STK3: variants seen among roughly 807,000 people sequenced by gnomAD.
STK3 encodes serine/threonine-protein kinase 3.
In STK3, 41 loss-of-function variants were observed where a neutral mutation model predicts 58.0. That is an observed-to-expected ratio of 0.71 (90% CI 0.55 to 0.92). The LOEUF (loss-of-function observed/expected upper bound fraction) is 0.92. Among genes scored for constraint, STK3 ranks in the 40% least tolerant of loss-of-function variants. The probability of loss-of-function intolerance (pLI) is 0.00; values close to 1 mark genes in which losing one functional copy is unlikely to be tolerated. For missense variants in STK3, 479 were observed against 602.7 expected, an observed-to-expected ratio of 0.79 and a Z score of 2.15; for synonymous variants, 170 against 191.0, an observed-to-expected ratio of 0.89 and a Z score of 0.91.
intron 4 of STK3, among the ~76,000 whole-genome samples, chr8:98,714,159 C>G (rs946057024): frequency 2.0e-5 from 3 of 152,100 alleles, no homozygotes; most frequent in African/African-American, 4.8e-5. Context: ...TATGACAAAC[C>G]CACAGCCAGT....
intron 3 of STK3, among the ~76,000 whole-genome samples, chr8:98,751,766 C>A (rs1366260125): frequency 2.0e-5 from 3 of 151,928 alleles, no homozygotes; most frequent in Non-Finnish European, 4.4e-5. Context: ...ACGGTGAAAC[C>A]CCCATCTCTA....
chr8:98,596,285 G>T, intron 6 of STK3, 116 bp from the exon 7 acceptor site: 1 of 1,241,156 alleles, frequency 8.1e-7, no homozygotes, highest in Non-Finnish European at 1.1e-6. Context: ...AATTTAAGCT[G>T]TTCTAGGATT....
chr8:98,618,539 C>G (rs200943708), intron 6 of STK3, among the ~76,000 whole-genome samples: 3 of 150,160 alleles, frequency 2.0e-5, no homozygotes, highest in Non-Finnish European at 4.4e-5. Flanking sequence ...TGTTTGCAGA[C>G]GACATGATTG....
intron 8 of STK3, among the ~76,000 whole-genome samples, chr8:98,557,549 G>GA (rs34356375): frequency 1.3e-5 from 2 of 152,014 alleles, no homozygotes. Context: ...AAATTACTGA[G>GA]AAAACATCAA....
intron 3 of STK3, among the ~76,000 whole-genome samples, chr8:98,433,241 C>G (rs895777474): frequency 3.3e-5 from 5 of 152,202 alleles, no homozygotes; most frequent in African/African-American, 1.2e-4. Context: ...GCAGGATTTT[C>G]CTCCTGCATG....
chr8:98,598,366 A>C (rs189798255), intron 6 of STK3: 1 of 985,380 alleles, frequency 1.0e-6, no homozygotes, highest in East Asian at 1.1e-4. Context: ...CTAAAATGTC[A>C]CATTCTACCC....
At chr8:98,900,427 A>G (rs891230621) in intron 1 of STK3, among the ~76,000 whole-genome samples, 1 of 152,046 alleles carries the variant, frequency 6.6e-6, no homozygotes, top group Non-Finnish European at 1.5e-5. Context: ...CTAATTGAAC[A>G]TTACCACAAG....
At chr8:98,476,804 T>C (rs959706375) in intron 10 of STK3, among the ~76,000 whole-genome samples, 2 of 152,236 alleles carry the variant, frequency 1.3e-5, no homozygotes, top group African/African-American at 4.8e-5. Flanking sequence ...CTAACATCTA[T>C]AAATTAAATC....
chr8:98,588,316 T>G (rs1245808965), intron 7 of STK3, among the ~76,000 whole-genome samples: 1 of 152,000 alleles, frequency 6.6e-6, no homozygotes, highest in Non-Finnish European at 1.5e-5. Context: ...TCTCTCAGCA[T>G]TTGCTTGTCT....
intron 6 of STK3, among the ~76,000 whole-genome samples, chr8:98,642,036 G>A (rs1018593510): frequency 6.6e-6 from 1 of 152,138 alleles, no homozygotes; most frequent in Non-Finnish European, 1.5e-5. Context: ...TAGTAGCCAA[G>A]AAAAGTTCTC....
At chr8:98,687,442 G>A (rs1729820770) in intron 6 of STK3, among the ~76,000 whole-genome samples, 1 of 152,132 alleles carries the variant, frequency 6.6e-6, no homozygotes, top group Non-Finnish European at 1.5e-5. Flanking sequence ...CGGAGCTTAG[G>A]CTGTAATTCT....
chr8:98,838,505 G>A (rs1835834579), intron 3 of STK3, among the ~76,000 whole-genome samples: 1 of 152,036 alleles, frequency 6.6e-6, no homozygotes, highest in Admixed American at 6.6e-5. Context: ...TGGAAAACAG[G>A]GCAATGAGGC....
downstream of STK3, among the ~76,000 whole-genome samples, chr8:98,369,207 G>T (rs1418314861): frequency 1.3e-5 from 2 of 152,204 alleles, no homozygotes; most frequent in Non-Finnish European, 2.9e-5. Context: ...CCAAAGGAGT[G>T]AAGCCCTAAT....
chr8:98,532,881 G>GT (rs1364533849), intron 9 of STK3, among the ~76,000 whole-genome samples: 3 of 151,904 alleles, frequency 2.0e-5, no homozygotes, highest in African/African-American at 7.3e-5. Context: ...TTTACTTCCT[G>GT]TTTTTATGAA....
chr8:98,637,618 T>C (rs149809968), intron 6 of STK3, among the ~76,000 whole-genome samples: 1,540 of 152,310 alleles, frequency 0.01, 20 homozygotes, highest in Admixed American at 0.016. Flanking sequence ...ACAGCACTCC[T>C]GCATAATATC....
intron 1 of STK3, among the ~76,000 whole-genome samples, chr8:98,910,695 G>T (rs1411746781): frequency 1.3e-5 from 2 of 152,158 alleles, no homozygotes; most frequent in African/African-American, 4.8e-5. Context: ...ATTACTGCTG[G>T]GTTGTGGGAG....
chr8:98,600,473 C>G (rs1816238284), intron 6 of STK3, among the ~76,000 whole-genome samples: 1 of 152,148 alleles, frequency 6.6e-6, no homozygotes, highest in African/African-American at 2.4e-5. Flanking sequence ...AATTTTACGA[C>G]TGAGGCTCAC....
At position 98,428,009 on chromosome 8, in the gene STK3, G is replaced by A. The variant is rs184683445; in HGVS notation, n.483+6118C>T. ...CCGGCCAGAGCCTGTGGGACGTGTC[G>A]GAGGCTAACGTCGAGGACGGGGAGA... On this transcript the variant is annotated intron_variant and non_coding_transcript_variant, in intron 3 of 3. Coordinates refer to the STK3 transcript ENST00000517832. The surrounding 1 kb of genome is among the most constrained non-coding windows in gnomAD (Gnocchi z 6.7). 6.3e-6 allele frequency: 10 copies of A among 1,585,266 alleles called. No homozygotes were observed. The highest frequency in any genetic ancestry group is 7.7e-6 in the Non-Finnish European group (9 of 1,164,512).
At chr8:98,661,123 TA>T (rs1821935398) in intron 6 of STK3, among the ~76,000 whole-genome samples, 1 of 151,468 alleles carries the variant, frequency 6.6e-6, no homozygotes, top group Non-Finnish European at 1.5e-5. Context: ...ACTCCTACCA[TA>T]AGTATAAATT....
Sources: allele counts gnomAD v4.1 joint callset (sites outside exome capture counted in the v4.1 genomes callset), GRCh38; gene constraint gnomAD v4.1.1; non-coding constraint Gnocchi (gnomAD v3.1); transcripts MANE v1.5; gene names NCBI Gene and HGNC (gene_info 2026-07-23, HGNC 2026-07-21).